The following CLASP2 variants were observed in gnomAD, a reference collection of about 807,000 sequenced individuals.
The protein encoded by CLASP2 is cytoplasmic linker associated protein 2.
CLASP2 carries 47 observed loss-of-function variants against 194.4 expected under a neutral mutation model. The ratio of observed to expected loss-of-function variants is 0.24; its 90% CI spans 0.19 to 0.31. The LOEUF (loss-of-function observed/expected upper bound fraction) is 0.31. Among genes scored for constraint, CLASP2 ranks in the 10% least tolerant of loss-of-function variants. CLASP2 has a pLI of 1.00. For synonymous variants in CLASP2, 619 were observed against 633.5 expected, an observed-to-expected ratio of 0.98 and a Z score of 0.34; for missense variants, 1,445 against 1,823.6, an observed-to-expected ratio of 0.79 and a Z score of 3.78.
At chr3:33,570,381 G>A (rs373471399) in intron 26 of CLASP2, among the ~76,000 whole-genome samples, 1 of 151,976 alleles carries the variant, frequency 6.6e-6, no homozygotes, top group African/African-American at 2.4e-5. Context: ...AATCACAGAC[G>A]AAAACAAAAT....
chr3:33,588,724 T>G, intron 21 of CLASP2: 1 of 702,348 alleles, frequency 1.4e-6, no homozygotes, highest in Non-Finnish European at 2.6e-6. Context: ...TATTAGCAGA[T>G]TGTGATCCTG....
At chr3:33,649,734 G>C (rs2082873110) in intron 7 of CLASP2, among the ~76,000 whole-genome samples, 1 of 152,070 alleles carries the variant, frequency 6.6e-6, no homozygotes, top group Admixed American at 6.5e-5. Context: ...ATACCCTCGA[G>C]GTTAAAGTAA....
intron 10 of CLASP2, among the ~76,000 whole-genome samples, chr3:33,624,665 T>C (rs2077689912): frequency 6.6e-6 from 1 of 152,040 alleles, no homozygotes; most frequent in African/African-American, 2.4e-5. Flanking sequence ...AGTAGTAATA[T>C]ACAAAAATTA....
intron 34 of CLASP2, among the ~76,000 whole-genome samples, chr3:33,527,642 A>G (rs955407399): frequency 1.3e-5 from 2 of 152,200 alleles, no homozygotes; most frequent in Middle Eastern, 3.2e-3. Context: ...GAATGATACC[A>G]AAACCTGGCA....
intron 16 of CLASP2, 148 bp downstream of exon 16, chr3:33,606,443 C>A: frequency 1.7e-6 from 1 of 572,440 alleles, no homozygotes; most frequent in Non-Finnish European, 3.0e-6. Flanking sequence ...ACTCTTGAAA[C>A]AGTAGACCAA....
At chr3:33,684,269 T>C (rs1030439212) in intron 6 of CLASP2, 90 bp downstream of exon 6, 12 of 656,288 alleles carry the variant, frequency 1.8e-5, no homozygotes, top group Non-Finnish European at 2.7e-5. Context: ...AATAAATAAA[T>C]AAAAAATACA....
At chr3:33,586,576 T>A (rs2067425892) in intron 21 of CLASP2, among the ~76,000 whole-genome samples, 1 of 152,170 alleles carries the variant, frequency 6.6e-6, no homozygotes, top group South Asian at 2.1e-4. Flanking sequence ...ATGCAAGGGT[T>A]AAATTTTAAG....
intron 28 of CLASP2, among the ~76,000 whole-genome samples, chr3:33,559,988 A>G (rs2061553739): frequency 6.6e-6 from 1 of 152,184 alleles, no homozygotes; most frequent in African/African-American, 2.4e-5. Flanking sequence ...AAAGTTTAAC[A>G]TTCTTAGAAA....
intron 13 of CLASP2, 65 bp from the exon 14 acceptor site, chr3:33,608,691 ATAC>A (rs937827053): frequency 3.8e-5 from 38 of 987,950 alleles, no homozygotes; most frequent in African/African-American, 4.9e-5. Context: ...ACTTTCTTTT[ATAC>A]TACTACACTT....
At chr3:33,580,206 G>C (rs1455388023) in intron 23 of CLASP2, among the ~76,000 whole-genome samples, 1 of 152,116 alleles carries the variant, frequency 6.6e-6, no homozygotes, top group Non-Finnish European at 1.5e-5. Context: ...GGGTTTTCTA[G>C]GTCAGTACAA....
intron 32 of CLASP2, among the ~76,000 whole-genome samples, chr3:33,542,773 C>T (rs1005442109): frequency 4.6e-5 from 7 of 151,860 alleles, no homozygotes; most frequent in African/African-American, 1.4e-4. Context: ...ATCATTATAA[C>T]TGACCTCATC....
chr3:33,604,017 T>C (rs777280031), intron 17 of CLASP2, 137 bp downstream of exon 17: 1 of 641,852 alleles, frequency 1.6e-6, no homozygotes, highest in Non-Finnish European at 2.8e-6. Context: ...CGTATACATA[T>C]ACAGGTACAG....
At chr3:33,670,917 T>A (rs1474787398) in intron 6 of CLASP2, among the ~76,000 whole-genome samples, 2 of 152,172 alleles carry the variant, frequency 1.3e-5, no homozygotes, top group African/African-American at 4.8e-5. Context: ...TGTGAGTGTA[T>A]TCTGTTCTCC....
chr3:33,559,134 C>T, intron 29 of CLASP2, 173 bp downstream of exon 29: 1 of 693,860 alleles, frequency 1.4e-6, no homozygotes, highest in Non-Finnish European at 2.6e-6. Flanking sequence ...CCTTGGAGCT[C>T]CAAAAAGAGT....
intron 21 of CLASP2, among the ~76,000 whole-genome samples, chr3:33,586,304 T>C (rs1310142822): frequency 6.6e-6 from 1 of 152,054 alleles, no homozygotes; most frequent in Non-Finnish European, 1.5e-5. Flanking sequence ...CTGGTTAATT[T>C]TTGTATTTTT....
At chr3:33,638,046 T>C (rs2080503063) in intron 8 of CLASP2, among the ~76,000 whole-genome samples, 1 of 152,196 alleles carries the variant, frequency 6.6e-6, no homozygotes. Flanking sequence ...TAGCTGTCAT[T>C]CTTGATGCTG....
intron 1 of CLASP2, among the ~76,000 whole-genome samples, chr3:33,716,749 C>A (rs1192908691): frequency 6.6e-6 from 1 of 152,208 alleles, no homozygotes; most frequent in Non-Finnish European, 1.5e-5. Context: ...GGGTAACTCT[C>A]AAACTTTATT....
chr3:33,628,970 T>C (rs1013352400), intron 9 of CLASP2, among the ~76,000 whole-genome samples: 1 of 151,548 alleles, frequency 6.6e-6, no homozygotes, highest in Non-Finnish European at 1.5e-5. Flanking sequence ...AACAAAACAG[T>C]GACTATAGTC....
intron 7 of CLASP2, among the ~76,000 whole-genome samples, chr3:33,653,630 TAA>T (rs1468581136): frequency 2.0e-5 from 3 of 152,182 alleles, no homozygotes; most frequent in Admixed American, 2.0e-4. Context: ...ACTGTCTTTC[TAA>T]AAGACACTTT....
Sources: allele counts gnomAD v4.1 joint callset (sites outside exome capture counted in the v4.1 genomes callset), GRCh38; gene constraint gnomAD v4.1.1; transcripts MANE v1.5; gene names NCBI Gene and HGNC (gene_info 2026-07-23, HGNC 2026-07-21).